The following SYT2 variants were observed in gnomAD, a reference collection of about 807,000 sequenced individuals.
The protein encoded by SYT2 is synaptotagmin-2.
SYT2 carries 15 observed loss-of-function variants against 39.9 expected under a neutral mutation model. That is an observed-to-expected ratio of 0.38 (90% CI 0.25 to 0.58). The LOEUF (loss-of-function observed/expected upper bound fraction) is 0.58, where lower values mean the gene tolerates loss of function less well. Ranked by LOEUF, SYT2 falls within the 20% of genes least tolerant of loss-of-function variation. The pLI is 0.70. For synonymous variants in SYT2, 181 were observed against 204.5 expected, an observed-to-expected ratio of 0.89 and a Z score of 0.98; for missense variants, 389 against 530.3, an observed-to-expected ratio of 0.73 and a Z score of 2.62.
rs12727359 is a variant in SYT2 at position 202,602,984 on chromosome 1, C to G, written c.465+15G>C. 2 of 1,571,972 alleles carry G rather than the reference C, an allele frequency of 1.3e-6. No individual in the cohort carries two copies. The highest frequency in any genetic ancestry group is 1.4e-5 in the African/African-American group (1 of 70,132). On this transcript the variant is annotated intron_variant, in intron 4 of 8. Coordinates refer to ENST00000367268, the MANE Select transcript of SYT2 (RefSeq NM_177402.5). ...TCCCCATTCCCCCACTCTGCCCCCC[C>G]ACAGCCCTGCATACCTGATTAGCCT...
rs958461389 is a variant in SYT2, at chr1:202,628,444, C to T, written c.-17-22655G>A. Among the ~76,000 whole-genome samples the T allele has an allele frequency of 6.6e-6, 1 of 152,140 alleles. No individual in the cohort carries two copies. The highest frequency in any genetic ancestry group is 2.4e-5 in the African/African-American group (1 of 41,440). ...GGTCCTCCCGTTTCCAAGAGCGCCTCCATCCTTCCAGGTGCTGGCCAGGCC... is the reference window on the plus strand; with the variant it reads ...GGTCCTCCCGTTTCCAAGAGCGCCTTCATCCTTCCAGGTGCTGGCCAGGCC... On this transcript the variant is annotated intron_variant, in intron 1 of 8. Transcript: ENST00000367268. The surrounding 1 kb of genome is among the most constrained non-coding windows in gnomAD (Gnocchi z 4.2).
chr1:202,627,442 A>T (rs1691448331), intron 1 of SYT2: 1 of 985,366 alleles, frequency 1.0e-6, no homozygotes, highest in Admixed American at 6.1e-5. Context: ...GAGAAACCCC[A>T]AAGCCAAAAG....
At chr1:202,701,704 G>A (rs1654127464) in intron 1 of SYT2, among the ~76,000 whole-genome samples, 1 of 152,146 alleles carries the variant, frequency 6.6e-6, no homozygotes, top group Non-Finnish European at 1.5e-5. Context: ...GCATGGGAAT[G>A]GCAAATAACT....
At chr1:202,629,557 A>G (rs955255777) in intron 1 of SYT2, among the ~76,000 whole-genome samples, 19 of 152,136 alleles carry the variant, frequency 1.2e-4, no homozygotes, top group African/African-American at 4.1e-4. Flanking sequence ...ATAGATGACA[A>G]CACTGGGATG....
intron 1 of SYT2, among the ~76,000 whole-genome samples, chr1:202,613,106 A>G (rs1690935605): frequency 1.9e-5 from 2 of 104,852 alleles, no homozygotes; most frequent in African/African-American, 3.7e-5. Context: ...TTCCAGACAG[A>G]GTCTCGCTCT....
chr1:202,709,803 G>A (rs939531054), intron 1 of SYT2, among the ~76,000 whole-genome samples: 8 of 152,082 alleles, frequency 5.3e-5, no homozygotes, highest in African/African-American at 1.9e-4. Context: ...CCACGACGGC[G>A]GTGCCAGGGG....
At chr1:202,625,887 G>T (rs1416316495) in intron 1 of SYT2, among the ~76,000 whole-genome samples, 1 of 152,208 alleles carries the variant, frequency 6.6e-6, no homozygotes, top group Non-Finnish European at 1.5e-5. Flanking sequence ...CAGCTGAAAT[G>T]GGTGACAGCA....
intron 1 of SYT2, among the ~76,000 whole-genome samples, chr1:202,620,342 G>A (rs1305154811): frequency 6.6e-6 from 1 of 152,200 alleles, no homozygotes; most frequent in Admixed American, 6.5e-5. Context: ...ACATGCTGGG[G>A]TCTTGGAGTA....
intron 1 of SYT2, among the ~76,000 whole-genome samples, chr1:202,698,257 G>T (rs567204407): frequency 1.4e-4 from 22 of 152,140 alleles, no homozygotes; most frequent in Non-Finnish European, 3.1e-4. Context: ...GAGGTACCTG[G>T]ACAGCAGTAC....
intron 1 of SYT2, among the ~76,000 whole-genome samples, chr1:202,647,290 G>C (rs1489399283): frequency 6.6e-6 from 1 of 152,214 alleles, no homozygotes; most frequent in East Asian, 1.9e-4. Context: ...TCAGGCTCCT[G>C]TTGCCCATAT....
At chr1:202,683,575 CA>C (rs1171777492) in intron 1 of SYT2, among the ~76,000 whole-genome samples, 14 of 151,984 alleles carry the variant, frequency 9.2e-5, no homozygotes, top group Non-Finnish European at 1.9e-4. Context: ...CCCATCTCTA[CA>C]AAAAATATTT....
chr1:202,602,561 G>A lies in SYT2; in HGVS notation c.466-16C>T, dbSNP rs371387898. On this transcript the variant is annotated splice_polypyrimidine_tract_variant and intron_variant, in intron 4 of 8. Transcript: ENST00000367268. Reference sequence around the variant, plus strand: ...CCACAGTAAGCTGTGGAGAGAGATGGGGAGAAGGGGCCTGAGTCTCAGGAC... The same window carrying A: ...CCACAGTAAGCTGTGGAGAGAGATGAGGAGAAGGGGCCTGAGTCTCAGGAC... 3.1e-6 allele frequency: 5 copies of A among 1,605,608 alleles called. No individual in the cohort carries two copies. Among genetic ancestry groups the A allele is most frequent in the South Asian group, 2.2e-5 (2 of 90,164 alleles).
chr1:202,655,526 A>T (rs1483340083), intron 1 of SYT2, among the ~76,000 whole-genome samples: 2 of 152,156 alleles, frequency 1.3e-5, no homozygotes, highest in East Asian at 3.8e-4. Context: ...CCGTTTACGC[A>T]CTGTGCTGGG....
intron 1 of SYT2, among the ~76,000 whole-genome samples, chr1:202,686,164 C>T (rs1443978639): frequency 2.6e-5 from 4 of 152,140 alleles, no homozygotes; most frequent in Admixed American, 6.5e-5. Flanking sequence ...TGTGGGGGTC[C>T]CCCTTCGCCT....
At chr1:202,642,601 C>T (rs1376365854) in intron 1 of SYT2, among the ~76,000 whole-genome samples, 4 of 152,188 alleles carry the variant, frequency 2.6e-5, no homozygotes, top group Admixed American at 2.6e-4. Context: ...GGGAAAGTTC[C>T]CGGGAGAGGA....
At chr1:202,613,595 T>C (rs1188052618) in intron 1 of SYT2, among the ~76,000 whole-genome samples, 1 of 151,944 alleles carries the variant, frequency 6.6e-6, no homozygotes, top group African/African-American at 2.4e-5. Context: ...TGGGGGAAAA[T>C]CTTTCAATCT....
At chr1:202,622,409 C>T (rs1157162585) in intron 1 of SYT2, among the ~76,000 whole-genome samples, 2 of 152,204 alleles carry the variant, frequency 1.3e-5, no homozygotes, top group South Asian at 2.1e-4. Context: ...ATTCCGCACA[C>T]GTAGAAGCAG....
chr1:202,626,191 G>T (rs1222984389), intron 1 of SYT2, among the ~76,000 whole-genome samples: 7 of 151,986 alleles, frequency 4.6e-5, no homozygotes, highest in Admixed American at 1.3e-4. Flanking sequence ...ACTACGATGC[G>T]GGTCACCTTA....
intron 6 of SYT2, among the ~76,000 whole-genome samples, chr1:202,600,685 G>T (rs910394788): frequency 1.3e-5 from 2 of 152,242 alleles, no homozygotes; most frequent in African/African-American, 4.8e-5. Context: ...AAAGTGACAG[G>T]TTGGGACCTC....
Sources: gnomAD v4.1 joint callset for allele counts (sites outside exome capture counted in the v4.1 genomes callset) on GRCh38, gnomAD v4.1.1 for gene constraint, Gnocchi (gnomAD v3.1) non-coding constraint, MANE v1.5 for transcripts, NCBI Gene and HGNC (gene_info 2026-07-23, HGNC 2026-07-21) for gene names.